Variants in PKIB observed in about 807,000 individuals in gnomAD.
PKIB encodes the protein PKI-beta.
A neutral mutation model predicts 4.5 loss-of-function variants in PKIB; 2 were observed. That is an observed-to-expected ratio of 0.44 (90% CI 0.18 to 1.39). The LOEUF (loss-of-function observed/expected upper bound fraction) is 1.39, where lower values mean the gene tolerates loss of function less well. Among genes scored for constraint, PKIB ranks in the 40% most tolerant of loss-of-function variants. PKIB has a pLI of 0.27. For synonymous variants in PKIB, 38 were observed against 36.0 expected (o/e 1.06, Z -0.20); for missense variants, 94 against 92.6 (o/e 1.02, Z -0.06).
At chr6:122,541,731 C>T (rs959493664) in intron 2 of PKIB, among the ~76,000 whole-genome samples, 9 of 152,008 alleles carry the variant, frequency 5.9e-5, no homozygotes, top group African/African-American at 2.2e-4. Context: ...TGTTGGCCTG[C>T]CTTGCTAGAT....
At chr6:122,674,094 G>A (rs558924053) in intron 2 of PKIB, among the ~76,000 whole-genome samples, 2 of 152,164 alleles carry the variant, frequency 1.3e-5, no homozygotes, top group South Asian at 4.1e-4. Flanking sequence ...TTTAGGATTG[G>A]TGGAGGTTGG....
chr6:122,611,663 C>G (rs759808691), intron 1 of PKIB, among the ~76,000 whole-genome samples: 3 of 152,072 alleles, frequency 2.0e-5, no homozygotes, highest in Admixed American at 6.5e-5. Flanking sequence ...CACAAGATGC[C>G]TTCCTTCTTA....
chr6:122,511,665 A>C (rs1385174167), intron 2 of PKIB, among the ~76,000 whole-genome samples: 2 of 152,198 alleles, frequency 1.3e-5, no homozygotes, highest in African/African-American at 4.8e-5. Context: ...TGGAGGCTGC[A>C]AAAGGCGCCG....
intron 3 of PKIB, among the ~76,000 whole-genome samples, chr6:122,678,590 A>G (rs1473375874): frequency 6.6e-6 from 1 of 152,142 alleles, no homozygotes; most frequent in Admixed American, 6.5e-5. Flanking sequence ...ATTAAGTTCA[A>G]CAAATACTCA....
intron 1 of PKIB, among the ~76,000 whole-genome samples, chr6:122,611,679 A>T (rs1007947439): frequency 6.6e-6 from 1 of 152,186 alleles, no homozygotes; most frequent in African/African-American, 2.4e-5. Context: ...TCTTACTGAC[A>T]TTGCCACACA....
intron 2 of PKIB, among the ~76,000 whole-genome samples, chr6:122,488,023 A>G (rs1562226003): frequency 6.6e-6 from 1 of 151,958 alleles, no homozygotes; most frequent in African/African-American, 2.4e-5. Flanking sequence ...TTTTGGAGGG[A>G]TATGTTTTTA....
At chr6:122,587,940 T>C (rs1484197484) in intron 3 of PKIB, among the ~76,000 whole-genome samples, 1 of 152,122 alleles carries the variant, frequency 6.6e-6, no homozygotes, top group African/African-American at 2.4e-5. Context: ...GTCAGATGAG[T>C]AGATTGCAAA....
intron 2 of PKIB, among the ~76,000 whole-genome samples, chr6:122,651,231 A>G (rs1776539924): frequency 6.6e-6 from 1 of 152,228 alleles, no homozygotes. Flanking sequence ...TCCTTCCACA[A>G]TTATCCCACA....
At chr6:122,631,319 T>C (rs1208603505) in intron 1 of PKIB, among the ~76,000 whole-genome samples, 1 of 152,234 alleles carries the variant, frequency 6.6e-6, no homozygotes, top group Non-Finnish European at 1.5e-5. Context: ...TGTTTTGAGC[T>C]CCCTTTCCTT....
At chr6:122,683,664 A>G (rs899735471) in intron 3 of PKIB, among the ~76,000 whole-genome samples, 1 of 152,200 alleles carries the variant, frequency 6.6e-6, no homozygotes, top group African/African-American at 2.4e-5. Context: ...CTCTACCCCA[A>G]CAATCTACTC....
chr6:122,544,531 C>T (rs1204564655), intron 2 of PKIB, among the ~76,000 whole-genome samples: 2 of 151,992 alleles, frequency 1.3e-5, no homozygotes, highest in Admixed American at 1.3e-4. Context: ...CCTGGGGTTC[C>T]AACCTGGAGG....
intron 2 of PKIB, among the ~76,000 whole-genome samples, chr6:122,562,937 A>G (rs1176957414): frequency 6.6e-6 from 1 of 151,972 alleles, no homozygotes; most frequent in Non-Finnish European, 1.5e-5. Context: ...TAGCTTAATA[A>G]CTAACCTCCT....
At chr6:122,619,172 C>T (rs1775116099) in intron 1 of PKIB, among the ~76,000 whole-genome samples, 1 of 151,782 alleles carries the variant, frequency 6.6e-6, no homozygotes, top group East Asian at 1.9e-4. Context: ...TTCTTTTTAC[C>T]ATTAATGATT....
intron 2 of PKIB, among the ~76,000 whole-genome samples, chr6:122,491,257 G>A (rs1458575762): frequency 2.0e-5 from 3 of 152,130 alleles, no homozygotes; most frequent in African/African-American, 7.2e-5. Context: ...TGTGTTACTG[G>A]AGTTATACGC....
intron 3 of PKIB, among the ~76,000 whole-genome samples, chr6:122,681,886 T>C (rs1777908947): frequency 6.6e-6 from 1 of 152,200 alleles, no homozygotes; most frequent in South Asian, 2.1e-4. Flanking sequence ...TAAGAAAGCA[T>C]GCGCTAATGT....
At chr6:122,518,814 C>T (rs941136676) in intron 2 of PKIB, among the ~76,000 whole-genome samples, 1 of 151,992 alleles carries the variant, frequency 6.6e-6, no homozygotes, top group Non-Finnish European at 1.5e-5. Context: ...ATATGCTATT[C>T]ATTTTATTTT....
chr6:122,487,681 C>T (rs922979726), intron 2 of PKIB, among the ~76,000 whole-genome samples: 1 of 152,224 alleles, frequency 6.6e-6, no homozygotes, highest in Admixed American at 6.5e-5. Flanking sequence ...TGACTGGAAG[C>T]AGACTCTCAC....
chr6:122,618,197 A>C (rs2114780450), intron 1 of PKIB, among the ~76,000 whole-genome samples: 1 of 152,262 alleles, frequency 6.6e-6, no homozygotes, highest in South Asian at 2.1e-4. Context: ...AACATACCCA[A>C]ACGATTAAAA....
At chr6:122,484,248 C>G (rs1775703949) in intron 2 of PKIB, 1 of 151,704 alleles carries the variant, frequency 6.6e-6, no homozygotes. Context: ...ATTCTAAGGT[C>G]AAAAACACCT....
Sources: allele counts gnomAD v4.1 joint callset (sites outside exome capture counted in the v4.1 genomes callset), GRCh38; gene constraint gnomAD v4.1.1; transcripts MANE v1.5; gene names NCBI Gene and HGNC (gene_info 2026-07-23, HGNC 2026-07-21).